MED12L: variants seen among roughly 807,000 people sequenced by gnomAD.
The protein encoded by MED12L is mediator of RNA polymerase II transcription subunit 12-like protein.
A neutral mutation model predicts 281.3 loss-of-function variants in MED12L; 60 were observed. The observed-to-expected ratio is 0.21, with a 90% CI of 0.17 to 0.26. MED12L has a LOEUF of 0.26. Ranked by LOEUF, MED12L falls within the 10% of genes least tolerant of loss-of-function variation. MED12L has a pLI of 1.00. For missense variants in MED12L, 2,146 were observed against 2,680.9 expected, an observed-to-expected ratio of 0.80 and a Z score of 4.41; for synonymous variants, 974 against 987.2, an observed-to-expected ratio of 0.99 and a Z score of 0.25.
chr3:151,233,349 T>C (rs1464081714), intron 16 of MED12L, among the ~76,000 whole-genome samples: 1 of 152,256 alleles, frequency 6.6e-6, no homozygotes, highest in Non-Finnish European at 1.5e-5. Flanking sequence ...CAGACAGTGT[T>C]AATTGCTTTT....
At chr3:151,104,815 T>C (rs1721804174) in intron 2 of MED12L, among the ~76,000 whole-genome samples, 1 of 152,202 alleles carries the variant, frequency 6.6e-6, no homozygotes, top group African/African-American at 2.4e-5. Flanking sequence ...CAGCTTCTGC[T>C]AGCTCCAAGT....
chr3:151,132,954 A>G (rs1715610177), intron 5 of MED12L, among the ~76,000 whole-genome samples: 1 of 152,234 alleles, frequency 6.6e-6, no homozygotes, highest in Admixed American at 6.5e-5. Context: ...ACACATATAT[A>G]TGTGTTGAAT....
At chr3:151,368,126 G>A (rs1755515448) in intron 24 of MED12L, 24 bp from the exon 25 acceptor site, 7 of 1,596,058 alleles carry the variant, frequency 4.4e-6, no homozygotes, top group Non-Finnish European at 5.2e-6. Context: ...TAGAAAACTT[G>A]CTTTTCCAAT....
rs1464332168 is a variant in MED12L at position 151,259,295 on chromosome 3, A to G, written c.2250+65629A>G. 3.3e-5 allele frequency among the ~76,000 whole-genome samples: 5 copies of G among 152,210 alleles called. No individual in the cohort carries two copies. The East Asian group carries it at 7.7e-4, about 23-fold the overall frequency. On this transcript the variant is annotated intron_variant, in intron 16 of 44. Transcript: ENST00000687756. ...ATAGGCACTCCTTTTGAACTATGCT[A>G]TATTTTTCTTAAAGCCTTTAAGATT...
chr3:151,100,096 A>T (rs1576723343), intron 2 of MED12L, among the ~76,000 whole-genome samples: 1 of 152,334 alleles, frequency 6.6e-6, no homozygotes, highest in East Asian at 1.9e-4. Flanking sequence ...GCCCTGAGGC[A>T]GGGGATTGAG....
At chr3:151,090,757 G>A (rs1719920400) in intron 2 of MED12L, among the ~76,000 whole-genome samples, 1 of 152,150 alleles carries the variant, frequency 6.6e-6, no homozygotes, top group African/African-American at 2.4e-5. Flanking sequence ...GACTGAAACA[G>A]GGCCAGGCGT....
intron 23 of MED12L, 43 bp downstream of exon 23, chr3:151,366,034 ATATT>A (rs1202432703): frequency 3.5e-6 from 5 of 1,432,246 alleles, no homozygotes; most frequent in Non-Finnish European, 4.6e-6. Flanking sequence ...GTGCAATTAA[ATATT>A]TAGTTAGTGG....
At chr3:151,206,832 G>C (rs1726445617) in intron 16 of MED12L, among the ~76,000 whole-genome samples, 1 of 151,422 alleles carries the variant, frequency 6.6e-6, no homozygotes, top group Admixed American at 6.6e-5. Context: ...TTTTAGTAGA[G>C]ATGGGGTTTC....
At chr3:151,087,268 G>C (rs1159515030) in intron 2 of MED12L, among the ~76,000 whole-genome samples, 1 of 152,196 alleles carries the variant, frequency 6.6e-6, no homozygotes, top group Non-Finnish European at 1.5e-5. Context: ...CCGTTGCCGG[G>C]CCTTGCACGG....
intron 20 of MED12L, among the ~76,000 whole-genome samples, chr3:151,359,674 G>A (rs1189548891): frequency 6.6e-6 from 1 of 152,120 alleles, no homozygotes; most frequent in Non-Finnish European, 1.5e-5. Flanking sequence ...AATAAGGATG[G>A]TGAATCAGAT....
Position 151,196,785 on chromosome 3 carries a change from A to T in MED12L, c.2250+3119A>T, listed in dbSNP as rs551145516. Among the ~76,000 whole-genome samples, 3 of 152,348 alleles carry T rather than the reference A, an allele frequency of 2.0e-5. No individual in the cohort carries two copies. The South Asian group carries it at 6.2e-4, about 32-fold the overall frequency. Reference sequence around the variant, plus strand: ...TAATAGGCACTTCATGCATTTTCTCATTTATTATTCACTGCAGAGTCAGAA... The same window carrying T: ...TAATAGGCACTTCATGCATTTTCTCTTTTATTATTCACTGCAGAGTCAGAA... On this transcript the variant is annotated intron_variant, in intron 16 of 44. Transcript: ENST00000687756.
chr3:151,251,813 T>G (rs1013568705), intron 16 of MED12L, among the ~76,000 whole-genome samples: 1 of 152,202 alleles, frequency 6.6e-6, no homozygotes, highest in Non-Finnish European at 1.5e-5. Context: ...TTAAAAAATT[T>G]CAGCTATTTG....
At chr3:151,164,312 C>T (rs1428418876) in intron 9 of MED12L, among the ~76,000 whole-genome samples, 1 of 152,146 alleles carries the variant, frequency 6.6e-6, no homozygotes, top group African/African-American at 2.4e-5. Context: ...GGTTCTAATA[C>T]ATGACCATGA....
At chr3:151,116,084 A>T (rs926351595) in intron 2 of MED12L, among the ~76,000 whole-genome samples, 2 of 144,326 alleles carry the variant, frequency 1.4e-5, no homozygotes, top group Non-Finnish European at 3.0e-5. Context: ...AAAAAAAAAA[A>T]AAAGAATAGT....
intron 2 of MED12L, among the ~76,000 whole-genome samples, chr3:151,092,128 T>C (rs750335382): frequency 1.3e-4 from 20 of 152,200 alleles, no homozygotes; most frequent in Non-Finnish European, 2.4e-4. Context: ...GCTGCCTCTC[T>C]CTTCTTCCAA....
At chr3:151,088,552 A>G (rs902401329) in intron 2 of MED12L, among the ~76,000 whole-genome samples, 5 of 152,176 alleles carry the variant, frequency 3.3e-5, no homozygotes, top group African/African-American at 1.2e-4. Context: ...AGAGGGCAGC[A>G]TAATTGATGG....
At chr3:151,094,143 G>A (rs902619405) in intron 2 of MED12L, among the ~76,000 whole-genome samples, 15 of 152,304 alleles carry the variant, frequency 9.8e-5, no homozygotes, top group African/African-American at 2.4e-4. Flanking sequence ...AGTGCTCCTC[G>A]TTAGTGTAGT....
At chr3:151,282,666 T>G (rs1742974190) in intron 16 of MED12L, among the ~76,000 whole-genome samples, 1 of 152,194 alleles carries the variant, frequency 6.6e-6, no homozygotes, top group Non-Finnish European at 1.5e-5. Flanking sequence ...AAAGTCAACT[T>G]AGTACTGTAT....
chr3:151,383,426 T>C (rs1490148278), intron 33 of MED12L, among the ~76,000 whole-genome samples: 1 of 152,234 alleles, frequency 6.6e-6, no homozygotes, highest in Non-Finnish European at 1.5e-5. Flanking sequence ...AAGATGCAGA[T>C]AATTGGATTA....
Sources: gnomAD v4.1 joint callset for allele counts (sites outside exome capture counted in the v4.1 genomes callset) on GRCh38, gnomAD v4.1.1 for gene constraint, MANE v1.5 for transcripts, NCBI Gene and HGNC (gene_info 2026-07-23, HGNC 2026-07-21) for gene names.